Variants in EXOC5 observed in about 807,000 individuals in gnomAD.
The protein encoded by EXOC5 is SEC10-like 1.
Under a neutral mutation model 90.8 loss-of-function variants are expected in EXOC5, and 17 were observed. That is an observed-to-expected ratio of 0.19 (90% confidence interval 0.13 to 0.28). The LOEUF (loss-of-function observed/expected upper bound fraction) is 0.28, where lower values mean the gene tolerates loss of function less well. EXOC5 is among the 10% of genes least tolerant of loss of function. The probability of loss-of-function intolerance (pLI) is 1.00; values close to 1 mark genes in which losing one functional copy is unlikely to be tolerated. For synonymous variants in EXOC5, 260 were observed against 270.0 expected (o/e 0.96, Z 0.36); for missense variants, 569 against 830.6 (o/e 0.69, Z 3.87).
intron 9 of EXOC5, 78 bp from the exon 10 acceptor site, chr14:57,232,827 A>T: frequency 1.5e-6 from 1 of 663,768 alleles, no homozygotes; most frequent in African/African-American, 1.9e-5. Flanking sequence ...TTTCTTTTAA[A>T]ATTCACTCCA....
intron 1 of EXOC5, among the ~76,000 whole-genome samples, chr14:57,260,767 A>G (rs1329222042): frequency 6.6e-6 from 1 of 152,224 alleles, no homozygotes; most frequent in African/African-American, 2.4e-5. Context: ...ATGAAATTTA[A>G]GTCTTATCAA....
intron 1 of EXOC5, among the ~76,000 whole-genome samples, chr14:57,262,121 T>C (rs563492375): frequency 5.3e-5 from 8 of 152,322 alleles, no homozygotes; most frequent in Non-Finnish European, 7.4e-5. Flanking sequence ...CCCTCCCTGA[T>C]AGATCTCTAA....
chr14:57,220,144 CT>C, intron 13 of EXOC5, among the ~76,000 whole-genome samples: 1 of 151,936 alleles, frequency 6.6e-6, no homozygotes, highest in East Asian at 1.9e-4. Context: ...ACATAGAGTT[CT>C]TTTTAGAACA....
chr14:57,241,653 A>G (rs117010673), intron 4 of EXOC5, among the ~76,000 whole-genome samples: 2,264 of 152,346 alleles, frequency 0.015, 26 homozygotes, highest in Non-Finnish European at 0.019. Context: ...TCTTAAGGTT[A>G]CAATATACAA....
chr14:57,221,721 C>T (rs1015857409), intron 13 of EXOC5, among the ~76,000 whole-genome samples: 4 of 151,996 alleles, frequency 2.6e-5, no homozygotes, highest in Admixed American at 1.3e-4. Context: ...ATATTGGTAA[C>T]GCCTTTTAAT....
chr14:57,215,380 T>A, intron 15 of EXOC5, among the ~76,000 whole-genome samples: 1 of 150,122 alleles, frequency 6.7e-6, no homozygotes, highest in African/African-American at 2.5e-5. Flanking sequence ...GGAAAGAAAA[T>A]TACAGGCCAA....
rs1430319639 is a variant in EXOC5, at chr14:57,208,283, G to C, written c.*326C>G. 1.5e-5 allele frequency: 3 copies of C among 205,870 alleles called. No individual in the cohort carries two copies. Among genetic ancestry groups the C allele is most frequent in the East Asian group, 2.1e-4 (2 of 9,314 alleles). The allele number at this position is 205,870 out of a possible 1,614,324, so 12.8% of individuals were successfully genotyped here. ...TAAAAGTACAAGAACCGAAAACACT[G>C]GTAACATTTCCTTTGCCTTCTGACA... On this transcript the variant is annotated 3_prime_UTR_variant, in exon 18 of 18. Coordinates refer to ENST00000621441, the MANE Select transcript of EXOC5 (RefSeq NM_006544.4).
intron 12 of EXOC5, among the ~76,000 whole-genome samples, chr14:57,229,173 T>G (rs548858049): frequency 1.3e-5 from 2 of 152,146 alleles, no homozygotes; most frequent in Non-Finnish European, 2.9e-5. Context: ...AAATTTGATC[T>G]GCTCAACTTT....
At chr14:57,222,530 T>A (rs1390931931) in intron 12 of EXOC5, 114 bp from the exon 13 acceptor site, 1 of 541,816 alleles carries the variant, frequency 1.8e-6, no homozygotes, top group East Asian at 3.1e-5. Context: ...GGTATGAAAA[T>A]AACTCACAGC....
At chr14:57,264,205 C>T (rs1884601733) in intron 1 of EXOC5, among the ~76,000 whole-genome samples, 1 of 152,206 alleles carries the variant, frequency 6.6e-6, no homozygotes, top group Non-Finnish European at 1.5e-5. Context: ...AAACACTTAA[C>T]AACTAATATG....
chr14:57,241,740 T>C (rs993077073), intron 4 of EXOC5, among the ~76,000 whole-genome samples: 1 of 152,168 alleles, frequency 6.6e-6, no homozygotes, highest in Non-Finnish European at 1.5e-5. Flanking sequence ...TTATTGACAT[T>C]TGGGTGAGGT....
intron 1 of EXOC5, among the ~76,000 whole-genome samples, chr14:57,259,410 CTT>C (rs1884436599): frequency 6.6e-6 from 1 of 152,168 alleles, no homozygotes; most frequent in South Asian, 2.1e-4. Context: ...AGTTCACACT[CTT>C]ATATCTACCC....
chr14:57,268,379 T>C (rs1244372518), intron 1 of EXOC5: 30 of 1,136,620 alleles, frequency 2.6e-5, no homozygotes, highest in Non-Finnish European at 3.6e-5. Context: ...CCCTCCTCCC[T>C]TGGGACACCC....
chr14:57,222,549 T>A (rs1243087705), intron 12 of EXOC5, 133 bp from the exon 13 acceptor site: 2 of 511,766 alleles, frequency 3.9e-6, no homozygotes, highest in Admixed American at 7.5e-5. Flanking sequence ...GCTCCCCCCA[T>A]ACTGCGTGTG....
intron 6 of EXOC5, among the ~76,000 whole-genome samples, chr14:57,236,976 C>G (rs1224304624): frequency 6.7e-6 from 1 of 150,232 alleles, no homozygotes; most frequent in Non-Finnish European, 1.5e-5. Flanking sequence ...CCAAAATGCA[C>G]TATTAAATTA....
chr14:57,247,501 A>C (rs909409897), intron 2 of EXOC5, 117 bp downstream of exon 2: 8 of 478,338 alleles, frequency 1.7e-5, no homozygotes, highest in Non-Finnish European at 3.0e-5. Flanking sequence ...TTTATTGGCC[A>C]AATGTTAACT....
chr14:57,251,004 G>A (rs540112812), intron 1 of EXOC5, among the ~76,000 whole-genome samples: 103 of 152,276 alleles, frequency 6.8e-4, no homozygotes, highest in African/African-American at 2.4e-3. Flanking sequence ...CAATAAAACA[G>A]ACAGGATTCT....
At chr14:57,229,422 A>G (rs1255112145) in intron 12 of EXOC5, among the ~76,000 whole-genome samples, 1 of 151,328 alleles carries the variant, frequency 6.6e-6, no homozygotes, top group African/African-American at 2.4e-5. Flanking sequence ...AATATTCAAG[A>G]AAAAAAAAGA....
intron 1 of EXOC5, among the ~76,000 whole-genome samples, chr14:57,252,316 G>A (rs1350594986): frequency 1.3e-5 from 2 of 152,134 alleles, no homozygotes; most frequent in Non-Finnish European, 2.9e-5. Flanking sequence ...CGAAGTATCA[G>A]CAAGCCAAAT....
Sources: gnomAD v4.1 joint callset for allele counts (sites outside exome capture counted in the v4.1 genomes callset) on GRCh38, gnomAD v4.1.1 for gene constraint, MANE v1.5 for transcripts, NCBI Gene and HGNC (gene_info 2026-07-23, HGNC 2026-07-21) for gene names.